The following PRSS53 variants were observed in gnomAD, a reference collection of about 807,000 sequenced individuals.
The protein encoded by PRSS53 is serine protease 53.
PRSS53 carries 54 observed loss-of-function variants against 62.7 expected under a neutral mutation model. The ratio of observed to expected loss-of-function variants is 0.86; its 90% CI spans 0.69 to 1.08. The LOEUF (loss-of-function observed/expected upper bound fraction) is 1.08. Among genes scored for constraint, PRSS53 ranks in the 50% least tolerant of loss-of-function variants. The probability of loss-of-function intolerance (pLI) is 0.00; values close to 1 mark genes in which losing one functional copy is unlikely to be tolerated. For synonymous variants in PRSS53, 273 were observed against 300.0 expected (o/e 0.91, Z 0.93); for missense variants, 688 against 728.3 (o/e 0.94, Z 0.64).
At chr16:31,087,298 C>T in intron 3 of PRSS53, 1 of 577,824 alleles carries the variant, frequency 1.7e-6, no homozygotes, top group South Asian at 2.1e-5. Flanking sequence ...TGCCCGGCCT[C>T]AGTCTGTGAC....
Position 31,086,010 on chromosome 16 carries a change from GGC to G in PRSS53, c.835_836del (p.Ala279ProfsTer10). On this transcript the variant is annotated frameshift_variant, in exon 6 of 11. Coordinates refer to ENST00000280606, the Ensembl canonical transcript of PRSS53. LOFTEE classifies it high-confidence loss of function. ...TCATCTCCGGGGTCTCTGGGCTCTG[GGC>G]CAGGAAAGCTGCCCCCTGAACTCGA... 1 of 1,614,026 alleles carries G rather than the reference GGC, an allele frequency of 6.2e-7. No homozygotes were observed. Among genetic ancestry groups the G allele is most frequent in the Non-Finnish European group, 8.5e-7 (1 of 1,180,020 alleles).
chr16:31,088,511 T>TCA lies in PRSS53; in HGVS notation c.58+239_58+240dup, dbSNP rs546131882. ...GCACAGGACACACGCAGGCAGCACC[T>TCA]CACACACACACAAGACCACAGGCCC... On this transcript the variant is annotated intron_variant, in intron 1 of 10. Transcript: ENST00000280606. 6 of 1,399,296 alleles carry TCA rather than the reference T, an allele frequency of 4.3e-6. No individual in the cohort carries two copies. The Admixed American group carries it at 8.8e-5, about 20-fold the overall frequency. 86.7% of individuals were successfully genotyped at this position (1,399,296 alleles called of 1,614,324 possible). A position where few individuals can be genotyped will look rare whatever the true frequency, so the allele number is the denominator to read the frequency against.
At chr16:31,087,737 T>C in intron 2 of PRSS53, 38 bp from the exon 3 acceptor site, 1 of 1,614,092 alleles carries the variant, frequency 6.2e-7, no homozygotes, top group Non-Finnish European at 8.5e-7. Context: ...AGCAGATACC[T>C]GTCCTGACCT....
chr16:31,085,162 C>T lies in PRSS53; in HGVS notation c.982G>A (p.Gly328Arg), dbSNP rs375690216. 41 of 1,610,994 alleles carry T rather than the reference C, an allele frequency of 2.5e-5. No homozygotes were observed. Among genetic ancestry groups the T allele is most frequent in the Admixed American group, 1.7e-4 (10 of 59,562 alleles). ...ACCGCCTCCTCTGACACCAGGGCTC[C>T]GCCACAGGCCAGCTGTCCCTGGTGC... Residue 328 changes from glycine to arginine, a missense_variant, in exon 7 of 11, where the codon GGA (glycine) becomes AGA (arginine). Gly to Arg is a moderately radical substitution (Grantham distance 125, BLOSUM62 -2). Coordinates refer to ENST00000280606, the Ensembl canonical transcript of PRSS53.
chr16:31,086,437 T>A, exon 5 of PRSS53: 4 of 1,613,968 alleles, frequency 2.5e-6, no homozygotes, highest in Non-Finnish European at 3.4e-6. Context: ...GTAGATACAG[T>A]TACATGTGGG....
At chr16:31,087,949 G>A (rs1460604365) in intron 1 of PRSS53, 123 bp from the exon 2 acceptor site, 16 of 1,548,698 alleles carry the variant, frequency 1.0e-5, no homozygotes, top group Admixed American at 7.9e-5. Flanking sequence ...TACCTTACCA[G>A]CCCCTCCCAG....
chr16:31,084,234 C>A (rs775174615), exon 10 of PRSS53: 1 of 1,611,872 alleles, frequency 6.2e-7, no homozygotes, highest in African/African-American at 1.3e-5. Context: ...CGGTGAAGAC[C>A]GCCGGCCTGG....
At chr16:31,084,322 G>C in exon 10 of PRSS53, 4 of 1,612,130 alleles carry the variant, frequency 2.5e-6, no homozygotes, top group Non-Finnish European at 3.4e-6. Context: ...CACCAGTGGT[G>C]CCCCAGACAG....
exon 8 of PRSS53, chr16:31,084,907 G>A: frequency 1.3e-6 from 2 of 1,543,446 alleles, no homozygotes; most frequent in Non-Finnish European, 1.8e-6. Flanking sequence ...GCAGCAGGAG[G>A]GCCATGTCGT....
chr16:31,084,423 G>A, intron 9 of PRSS53, 88 bp from the exon 10 acceptor site: 1 of 1,495,010 alleles, frequency 6.7e-7, no homozygotes, highest in Non-Finnish European at 9.0e-7. Context: ...GGCTGTTTGG[G>A]GGCTAATTGG....
chr16:31,088,309 ACTGT>A (rs1462414899), intron 1 of PRSS53: 45 of 1,115,126 alleles, frequency 4.0e-5, no homozygotes, highest in East Asian at 6.4e-5. Flanking sequence ...CTTCCCAGAA[ACTGT>A]CTGAGAGCCC....
chr16:31,084,686 T>C (rs1177395832), exon 9 of PRSS53: 2 of 1,612,124 alleles, frequency 1.2e-6, no homozygotes, highest in Non-Finnish European at 1.7e-6. Context: ...ACGGGCACTG[T>C]CTGGAGGGAG....
exon 8 of PRSS53, chr16:31,084,991 C>A: frequency 6.3e-7 from 1 of 1,576,974 alleles, no homozygotes. Context: ...GTCTGGTCCC[C>A]AGCCCTACGC....
intron 6 of PRSS53, among the ~76,000 whole-genome samples, 154 bp downstream of exon 6, chr16:31,085,810 G>A (rs1270120532): frequency 6.6e-6 from 1 of 152,156 alleles, no homozygotes; most frequent in Non-Finnish European, 1.5e-5. Context: ...AAGTGCCTGT[G>A]CCTCTCAGCC....
intron 6 of PRSS53, among the ~76,000 whole-genome samples, 192 bp from the exon 7 acceptor site, chr16:31,085,452 G>C (rs370671008): frequency 4.4e-4 from 67 of 152,272 alleles, no homozygotes; most frequent in African/African-American, 1.5e-3. Context: ...GCAAGCCAGG[G>C]CCTGAGCTTT....
intron 2 of PRSS53, 26 bp from the exon 3 acceptor site, chr16:31,087,725 A>G (rs759823340): frequency 6.2e-6 from 10 of 1,613,958 alleles, no homozygotes; most frequent in African/African-American, 5.3e-5. Context: ...AGTCACACTG[A>G]CAGCAGATAC....
chr16:31,083,597 G>A lies in PRSS53; in HGVS notation c.*193C>T, dbSNP rs751117. 0.012 allele frequency: 17,133 copies of A among 1,473,310 alleles called. 1,434 individuals carry two copies. The African/African-American group carries it at 0.19, about 17-fold the overall frequency. 91.3% of individuals were successfully genotyped at this position (1,473,310 alleles called of 1,614,324 possible). ...TGGTAGCAGAGTTGGGTGTGGGAGTGTCCACAGACACCCCTGTCCTGCAGG... is the reference window on the plus strand; with the variant it reads ...TGGTAGCAGAGTTGGGTGTGGGAGTATCCACAGACACCCCTGTCCTGCAGG... On this transcript the variant is annotated 3_prime_UTR_variant, in exon 11 of 11. Transcript: ENST00000280606.
exon 8 of PRSS53, chr16:31,084,791 C>A: frequency 6.5e-7 from 1 of 1,549,180 alleles, no homozygotes; most frequent in South Asian, 1.2e-5. Flanking sequence ...TGCTCCTGGG[C>A]GGGCCCGTCC....
exon 9 of PRSS53, chr16:31,084,677 C>G: frequency 6.2e-7 from 1 of 1,611,958 alleles, no homozygotes; most frequent in Non-Finnish European, 8.5e-7. Flanking sequence ...AGGAGGGTCA[C>G]GGGCACTGTC....
Sources: allele counts gnomAD v4.1 joint callset (sites outside exome capture counted in the v4.1 genomes callset), GRCh38; gene constraint gnomAD v4.1.1; transcripts MANE v1.5; gene names NCBI Gene and HGNC (gene_info 2026-07-23, HGNC 2026-07-21).